TENM2: variants seen among roughly 807,000 people sequenced by gnomAD.
The protein encoded by TENM2 is teneurin transmembrane protein 2, also known as teneurin-2.
Under a neutral mutation model 245.2 loss-of-function variants are expected in TENM2, and 52 were observed. That is an observed-to-expected ratio of 0.21 (90% CI 0.17 to 0.27). The LOEUF is 0.27. TENM2 is among the 10% of genes least tolerant of loss of function. TENM2 has a pLI of 1.00. For synonymous variants in TENM2, 1,363 were observed against 1,438.9 expected (o/e 0.95, Z 1.19); for missense variants, 3,046 against 3,666.8 (o/e 0.83, Z 4.37).
the TENM2 span, among the ~76,000 whole-genome samples, chr5:167,129,289 C>T: frequency 1.3e-5 from 2 of 152,024 alleles, no homozygotes; most frequent in Non-Finnish European, 2.9e-5. Flanking sequence ...GCTGGTGTCC[C>T]GGCTTGCCAC....
intron 9 of TENM2, among the ~76,000 whole-genome samples, chr5:168,109,062 G>A (rs1404021476): frequency 3.3e-5 from 5 of 151,990 alleles, no homozygotes; most frequent in African/African-American, 1.2e-4. Flanking sequence ...ACCCCATCTT[G>A]CCCTGAAATC....
chr5:167,264,682 C>T, the TENM2 span, among the ~76,000 whole-genome samples: 5 of 152,126 alleles, frequency 3.3e-5, no homozygotes, highest in Admixed American at 6.5e-5. Context: ...TTTATGCGTC[C>T]GCTGCCTATG....
At chr5:167,327,599 A>G (rs925869208) in intron 1 of TENM2, among the ~76,000 whole-genome samples, 1 of 152,208 alleles carries the variant, frequency 6.6e-6, no homozygotes, top group Non-Finnish European at 1.5e-5. Flanking sequence ...GCATGTTCAG[A>G]AAAAACCTCC....
intron 5 of TENM2, among the ~76,000 whole-genome samples, chr5:168,022,089 G>A (rs1786201791): frequency 6.6e-6 from 1 of 152,134 alleles, no homozygotes; most frequent in African/African-American, 2.4e-5. Context: ...AATCAATATT[G>A]TACTCCTGGT....
chr5:167,776,467 A>G (rs1763781750), intron 2 of TENM2, among the ~76,000 whole-genome samples: 1 of 151,318 alleles, frequency 6.6e-6, no homozygotes, highest in Non-Finnish European at 1.5e-5. Flanking sequence ...GTGGTGGCGT[A>G]TGCCTGTAGT....
intron 5 of TENM2, among the ~76,000 whole-genome samples, chr5:168,014,136 G>C (rs919997856): frequency 9.2e-5 from 14 of 152,140 alleles, no homozygotes; most frequent in Non-Finnish European, 1.9e-4. Context: ...TTGTGAAGGA[G>C]GGGGGCAATT....
chr5:167,957,376 T>C (rs531516184), intron 4 of TENM2, among the ~76,000 whole-genome samples: 6 of 152,332 alleles, frequency 3.9e-5, no homozygotes, highest in African/African-American at 7.2e-5. Flanking sequence ...TTCTTCTTTA[T>C]TAGTCTGGCC....
the TENM2 span, among the ~76,000 whole-genome samples, chr5:167,087,055 A>T: frequency 6.6e-6 from 1 of 151,898 alleles, no homozygotes; most frequent in East Asian, 1.9e-4. Context: ...GCTATTCAAG[A>T]TGATATGGTG....
rs752919344 is a variant in TENM2 at position 167,411,573 on chromosome 5, A to AGAGAGT, written c.502+36101_502+36102insAGAGTG. Among the ~76,000 whole-genome samples, 45 of 145,146 alleles carry AGAGAGT rather than the reference A, an allele frequency of 3.1e-4. No homozygotes were observed. The East Asian group carries it at 6.3e-3, about 20-fold the overall frequency. ...GTGTGCATGTGTATATGTAGGTGAGAGTGTGTGTGTGTGTGTGTGTGTGTG... is the reference window on the plus strand; with the variant it reads ...GTGTGCATGTGTATATGTAGGTGAGAGAGAGTGTGTGTGTGTGTGTGTGTGTGTGTG... On this transcript the variant is annotated intron_variant, in intron 2 of 28. Transcript: ENST00000518659.
chr5:167,731,269 G>A (rs1241969188), intron 2 of TENM2, among the ~76,000 whole-genome samples: 1 of 150,838 alleles, frequency 6.6e-6, no homozygotes, highest in African/African-American at 2.4e-5. Context: ...TTTTGAGCGA[G>A]ATGGAAGATG....
At chr5:167,449,947 A>C (rs903217523) in intron 2 of TENM2, among the ~76,000 whole-genome samples, 1 of 152,166 alleles carries the variant, frequency 6.6e-6, no homozygotes, top group Non-Finnish European at 1.5e-5. Flanking sequence ...AACCAGGGTG[A>C]AACTCTGACT....
chr5:168,262,896 G>A, exon 29 of TENM2: 1 of 1,313,558 alleles, frequency 7.6e-7, no homozygotes, highest in Non-Finnish European at 1.0e-6. Context: ...AGACCTAACA[G>A]GGGCACTGCG....
At chr5:168,042,367 G>A (rs1246191424) in intron 5 of TENM2, among the ~76,000 whole-genome samples, 1 of 152,162 alleles carries the variant, frequency 6.6e-6, no homozygotes, top group African/African-American at 2.4e-5. Context: ...TGGCCTCCAT[G>A]TTTGCCCTCT....
intron 2 of TENM2, among the ~76,000 whole-genome samples, chr5:167,774,047 A>T: frequency 6.6e-6 from 1 of 151,674 alleles, no homozygotes; most frequent in East Asian, 1.9e-4. Context: ...GATGCAGGTG[A>T]CCCACATGCC....
chr5:167,971,933 G>C (rs1486204092), intron 4 of TENM2, among the ~76,000 whole-genome samples: 1 of 152,150 alleles, frequency 6.6e-6, no homozygotes, highest in Non-Finnish European at 1.5e-5. Flanking sequence ...TGCCGGAGTG[G>C]GGCTGGAAGG....
At chr5:168,259,908 T>G (rs1408924412) in intron 27 of TENM2, among the ~76,000 whole-genome samples, 2 of 152,198 alleles carry the variant, frequency 1.3e-5, no homozygotes, top group Non-Finnish European at 2.9e-5. Context: ...TCTCCTTTGA[T>G]CCTCATAACA....
At chr5:168,015,298 C>G (rs1441789160) in intron 5 of TENM2, among the ~76,000 whole-genome samples, 3 of 152,140 alleles carry the variant, frequency 2.0e-5, no homozygotes, top group Non-Finnish European at 4.4e-5. Context: ...CTGTGGTGGA[C>G]AGCAGGCATT....
the TENM2 span, among the ~76,000 whole-genome samples, chr5:167,073,180 T>G: frequency 6.6e-6 from 1 of 152,204 alleles, no homozygotes; most frequent in African/African-American, 2.4e-5. Flanking sequence ...TTATTTGCAT[T>G]TTTTTGGGTT....
At chr5:167,828,464 G>T (rs529149931) in intron 2 of TENM2, among the ~76,000 whole-genome samples, 1 of 152,262 alleles carries the variant, frequency 6.6e-6, no homozygotes, top group South Asian at 2.1e-4. Flanking sequence ...CTTGCACTAG[G>T]ATCATGCCCA....
Sources: allele counts gnomAD v4.1 joint callset (sites outside exome capture counted in the v4.1 genomes callset), GRCh38; gene constraint gnomAD v4.1.1; transcripts MANE v1.5; gene names NCBI Gene and HGNC (gene_info 2026-07-23, HGNC 2026-07-21).